The following RAD51B variants were observed in gnomAD, a reference collection of about 807,000 sequenced individuals.
The protein encoded by RAD51B is DNA repair protein RAD51 homolog 2.
Under a neutral mutation model 42.2 loss-of-function variants are expected in RAD51B, and 38 were observed. That is an observed-to-expected ratio of 0.90 (90% CI 0.70 to 1.18). RAD51B has a LOEUF of 1.18. Ranked by LOEUF, RAD51B falls within the 50% of genes most tolerant of loss-of-function variation. The probability of loss-of-function intolerance (pLI) is 0.00; values close to 1 mark genes in which losing one functional copy is unlikely to be tolerated. For synonymous variants in RAD51B, 154 were observed against 145.2 expected, an observed-to-expected ratio of 1.06 and a Z score of -0.43; for missense variants, 373 against 400.7, an observed-to-expected ratio of 0.93 and a Z score of 0.59.
chr14:68,339,660 C>A (rs73274125), intron 8 of RAD51B: 2,021 of 199,862 alleles, frequency 0.01, 43 homozygotes, highest in East Asian at 0.042. Context: ...CAACAATTTT[C>A]ATATATCAGG....
intron 8 of RAD51B, among the ~76,000 whole-genome samples, chr14:68,371,308 A>G (rs1041745273): frequency 2.6e-5 from 4 of 151,708 alleles, no homozygotes; most frequent in African/African-American, 7.3e-5. Context: ...CACAAGGTCA[A>G]GAGATGGAGA....
chr14:67,886,852 A>G (rs1047266094), intron 6 of RAD51B, 169 bp from the exon 7 acceptor site: 4 of 436,882 alleles, frequency 9.2e-6, no homozygotes, highest in African/African-American at 2.0e-5. Context: ...CTCTGTTTCC[A>G]GAAAAGTATG....
At chr14:68,349,910 A>G (rs1412115624) in intron 8 of RAD51B, among the ~76,000 whole-genome samples, 1 of 152,238 alleles carries the variant, frequency 6.6e-6, no homozygotes, top group African/African-American at 2.4e-5. Context: ...AAAGAAAACT[A>G]TAAAATTACA....
At chr14:68,543,766 G>A (rs1190017189) in intron 10 of RAD51B, among the ~76,000 whole-genome samples, 1 of 152,154 alleles carries the variant, frequency 6.6e-6, no homozygotes. Flanking sequence ...GTATAATGCT[G>A]TATGGTTTTC....
At chr14:67,900,893 G>A (rs1000751476) in intron 7 of RAD51B, among the ~76,000 whole-genome samples, 8 of 152,098 alleles carry the variant, frequency 5.3e-5, no homozygotes, top group Non-Finnish European at 1.2e-4. Flanking sequence ...CAATAACATG[G>A]GATTGACCTG....
intron 8 of RAD51B, among the ~76,000 whole-genome samples, chr14:68,312,412 A>G (rs2081982153): frequency 6.6e-6 from 1 of 152,240 alleles, no homozygotes; most frequent in Non-Finnish European, 1.5e-5. Flanking sequence ...TTACTCATCC[A>G]GTTATTAAGA....
In RAD51B at chr14:68,392,027, T is replaced by G. The variant is rs143837501; in HGVS notation, c.854-19397T>G. 2.0e-5 allele frequency among the ~76,000 whole-genome samples: 3 copies of G among 152,316 alleles called. No homozygotes were observed. The East Asian group carries it at 5.8e-4, about 29-fold the overall frequency. On this transcript the variant is annotated intron_variant, in intron 8 of 10. Transcript: ENST00000471583. ...CAAAGCATCATTTAGGAAGAGAAAGTGTAGAAAATCAGAGAGATGAAATAC... is the reference window on the plus strand; with the variant it reads ...CAAAGCATCATTTAGGAAGAGAAAGGGTAGAAAATCAGAGAGATGAAATAC...
At chr14:68,312,297 T>C (rs1248696693) in intron 8 of RAD51B, among the ~76,000 whole-genome samples, 1 of 152,256 alleles carries the variant, frequency 6.6e-6, no homozygotes, top group Non-Finnish European at 1.5e-5. Flanking sequence ...TATCCATGCA[T>C]GTTCGGAGCA....
At chr14:68,339,372 C>T (rs1012292036) in intron 8 of RAD51B, 11 of 1,012,020 alleles carry the variant, frequency 1.1e-5, no homozygotes, top group Admixed American at 1.8e-5. Flanking sequence ...TTTCACAAAG[C>T]GGGTGAGGTC....
chr14:68,458,306 T>C (rs1418716131), intron 9 of RAD51B, among the ~76,000 whole-genome samples: 1 of 152,228 alleles, frequency 6.6e-6, no homozygotes, highest in Non-Finnish European at 1.5e-5. Flanking sequence ...TTTATGGGTA[T>C]TCACTATAAA....
At chr14:68,655,763 G>A (rs947963482) in intron 11 of RAD51B, among the ~76,000 whole-genome samples, 8 of 152,354 alleles carry the variant, frequency 5.3e-5, no homozygotes, top group Admixed American at 2.0e-4. Flanking sequence ...GGAGGAGCTG[G>A]AAACCGGCCC....
intron 8 of RAD51B, among the ~76,000 whole-genome samples, chr14:68,387,943 A>G (rs2083636798): frequency 1.3e-5 from 2 of 152,124 alleles, no homozygotes; most frequent in Admixed American, 1.3e-4. Flanking sequence ...CGTTGAAATG[A>G]TAATGTTTTG....
intron 10 of RAD51B, among the ~76,000 whole-genome samples, chr14:68,648,041 A>ACT (rs1566963440): frequency 7.3e-6 from 1 of 137,272 alleles, no homozygotes; most frequent in Non-Finnish European, 1.6e-5. Flanking sequence ...ATATATACAC[A>ACT]CGTATATAGA....
intron 10 of RAD51B, among the ~76,000 whole-genome samples, chr14:68,469,750 T>G (rs1248311934): frequency 6.6e-6 from 1 of 152,234 alleles, no homozygotes; most frequent in Non-Finnish European, 1.5e-5. Flanking sequence ...GTAGCAAATT[T>G]CGTTGAAGAT....
At chr14:68,557,838 T>C (rs117890074) in intron 10 of RAD51B, among the ~76,000 whole-genome samples, 245 of 152,294 alleles carry the variant, frequency 1.6e-3, no homozygotes, top group Non-Finnish European at 2.5e-3. Context: ...TGCCTTTCAA[T>C]TGAGTGAAGA....
chr14:68,404,838 G>A (rs1252229622), intron 8 of RAD51B, among the ~76,000 whole-genome samples: 1 of 152,146 alleles, frequency 6.6e-6, no homozygotes, highest in Non-Finnish European at 1.5e-5. Flanking sequence ...AGCCGAGTAT[G>A]GAGCCTGAGT....
intron 7 of RAD51B, among the ~76,000 whole-genome samples, chr14:68,106,068 A>G (rs2077373041): frequency 6.6e-6 from 1 of 151,970 alleles, no homozygotes; most frequent in South Asian, 2.1e-4. Context: ...AGGAAATGAA[A>G]AAGTGGTCAG....
At chr14:68,431,860 T>C (rs2085017203) in intron 9 of RAD51B, among the ~76,000 whole-genome samples, 1 of 152,220 alleles carries the variant, frequency 6.6e-6, no homozygotes, top group South Asian at 2.1e-4. Flanking sequence ...CAATTTTAGA[T>C]CTTTCCTGCT....
chr14:68,561,310 C>A (rs1011996212), intron 10 of RAD51B, among the ~76,000 whole-genome samples: 2 of 152,152 alleles, frequency 1.3e-5, no homozygotes, highest in Admixed American at 6.5e-5. Flanking sequence ...GGTTTCTAAC[C>A]CCACCACTCA....
Sources: gnomAD v4.1 joint callset for allele counts (sites outside exome capture counted in the v4.1 genomes callset) on GRCh38, gnomAD v4.1.1 for gene constraint, MANE v1.5 for transcripts, NCBI Gene and HGNC (gene_info 2026-07-23, HGNC 2026-07-21) for gene names.